Variants in ATP13A5 observed in about 807,000 individuals in gnomAD.
ATP13A5 encodes probable cation-transporting ATPase 13A5.
ATP13A5 carries 149 observed loss-of-function variants against 150.2 expected under a neutral mutation model. That is an observed-to-expected ratio of 0.99 (90% CI 0.87 to 1.14). The LOEUF (loss-of-function observed/expected upper bound fraction) is 1.14. ATP13A5 is among the 50% of genes most tolerant of loss of function. The pLI, the probability that ATP13A5 is intolerant of heterozygous loss-of-function variation, is 0.00. For synonymous variants in ATP13A5, 497 were observed against 522.2 expected, an observed-to-expected ratio of 0.95 and a Z score of 0.66; for missense variants, 1,383 against 1,449.3, an observed-to-expected ratio of 0.95 and a Z score of 0.74.
At chr3:193,312,473 A>G (rs552558774) in intron 19 of ATP13A5, among the ~76,000 whole-genome samples, 2 of 152,140 alleles carry the variant, frequency 1.3e-5, no homozygotes, top group African/African-American at 2.4e-5. Flanking sequence ...TCTCTTCCAT[A>G]CTCTACATCC....
chr3:193,276,980 G>GACTC (rs1337296520), intron 28 of ATP13A5, 150 bp from the exon 29 acceptor site: 1 of 611,942 alleles, frequency 1.6e-6, no homozygotes, highest in African/African-American at 1.9e-5. Flanking sequence ...ACAACTGAAG[G>GACTC]ACTCAAAGCC....
At position 193,325,100 on chromosome 3, in the gene ATP13A5, C is replaced by T. The variant is rs538779309; in HGVS notation, c.1524-86G>A. On this transcript the variant is annotated intron_variant, in intron 13 of 29. Coordinates refer to ENST00000342358, the MANE Select transcript of ATP13A5 (RefSeq NM_198505.4). ...AATCTTACTAAAGTGGAGCTCCAAA[C>T]ACCTAACGTTCATGCTCAGAACCTT... is the stretch of plus-strand genomic sequence containing the variant. 4 of 1,363,370 alleles carry T rather than the reference C, an allele frequency of 2.9e-6. No homozygotes were observed. The South Asian group carries it at 4.0e-5, about 14-fold the overall frequency. 84.5% of individuals were successfully genotyped at this position (1,363,370 alleles called of 1,614,324 possible).
At position 193,281,149 on chromosome 3, in the gene ATP13A5, C is replaced by T. The variant is rs141493831; in HGVS notation, c.3227-1695G>A. 2.6e-5 allele frequency: 26 copies of T among 983,322 alleles called. No homozygotes were observed. The East Asian group carries it at 2.4e-3, about 90-fold the overall frequency. 60.9% of individuals were successfully genotyped at this position (983,322 alleles called of 1,614,324 possible). On this transcript the variant is annotated intron_variant, in intron 27 of 29. Coordinates refer to ENST00000342358, the MANE Select transcript of ATP13A5 (RefSeq NM_198505.4). ...AAGCAATCTAAATGGCTTGGTGATA[C>T]GATTTCAGGAAATAGCTGTGTGGAT...
At chr3:193,290,721 C>T (rs1481953532) in intron 25 of ATP13A5, among the ~76,000 whole-genome samples, 1 of 151,932 alleles carries the variant, frequency 6.6e-6, no homozygotes, top group African/African-American at 2.4e-5. Context: ...GATTTCAGGG[C>T]TTTTTTAAAT....
rs9849974 is a variant in ATP13A5 at position 193,287,430 on chromosome 3, A to G, written c.3024-2314T>C. Among the ~76,000 whole-genome samples the G allele has an allele frequency of 1.4e-3, 213 of 152,260 alleles. 2 individuals are homozygous for G. Among genetic ancestry groups the G allele is most frequent in the African/African-American group, 5.0e-3 (208 of 41,562 alleles). The stretch of plus-strand genomic sequence containing the variant: ...AGCTGGTGACTTTAAGTTGATGCCA[A>G]TGCTCATTTGCTCTTCTGAAAATCC... On this transcript the variant is annotated intron_variant, in intron 26 of 29. Coordinates refer to ENST00000342358, the MANE Select transcript of ATP13A5 (RefSeq NM_198505.4).
intron 9 of ATP13A5, 44 bp downstream of exon 9, chr3:193,343,883 T>A: frequency 1.9e-6 from 3 of 1,596,828 alleles, no homozygotes; most frequent in Non-Finnish European, 2.6e-6. Flanking sequence ...TTGATCTGAT[T>A]AGATGTCAGA....
chr3:193,361,500 T>G (rs777076500), intron 5 of ATP13A5, among the ~76,000 whole-genome samples: 4 of 152,218 alleles, frequency 2.6e-5, no homozygotes, highest in Admixed American at 6.5e-5. Context: ...TCTGATTACT[T>G]CTTAGCTTGA....
chr3:193,281,290 G>C (rs1164492377), intron 27 of ATP13A5: 1 of 747,904 alleles, frequency 1.3e-6, no homozygotes, highest in Non-Finnish European at 1.6e-6. Context: ...GGGGCTGAGT[G>C]GGGTGCACAT....
chr3:193,368,704 C>T (rs1290908121), intron 1 of ATP13A5, among the ~76,000 whole-genome samples: 2 of 152,082 alleles, frequency 1.3e-5, no homozygotes, highest in Non-Finnish European at 2.9e-5. Context: ...ACAAACAGTG[C>T]CAGAGCAAAA....
intron 21 of ATP13A5, among the ~76,000 whole-genome samples, chr3:193,308,948 G>T (rs1452551695): frequency 6.6e-6 from 1 of 152,182 alleles, no homozygotes; most frequent in African/African-American, 2.4e-5. Context: ...CATTCTGGAA[G>T]TTAATAGGCA....
intron 13 of ATP13A5, among the ~76,000 whole-genome samples, chr3:193,326,453 C>T (rs1294651690): frequency 6.6e-6 from 1 of 152,178 alleles, no homozygotes; most frequent in Non-Finnish European, 1.5e-5. Context: ...CTTCAGGTGG[C>T]TTTCTTTGAT....
At chr3:193,328,512 T>C (rs1711509802) in intron 12 of ATP13A5, among the ~76,000 whole-genome samples, 1 of 152,220 alleles carries the variant, frequency 6.6e-6, no homozygotes, top group Admixed American at 6.5e-5. Context: ...AACATCAATA[T>C]TTTGAACATG....
chr3:193,326,914 C>T, intron 13 of ATP13A5, 82 bp downstream of exon 13: 1 of 1,206,470 alleles, frequency 8.3e-7, no homozygotes, highest in Non-Finnish European at 1.2e-6. Context: ...GACATTCATC[C>T]CTTAACACCC....
At chr3:193,366,966 A>T (rs1577374999) in intron 1 of ATP13A5, among the ~76,000 whole-genome samples, 1 of 152,228 alleles carries the variant, frequency 6.6e-6, no homozygotes, top group Non-Finnish European at 1.5e-5. Flanking sequence ...CAAATAAAAA[A>T]TTACAATAAA....
chr3:193,378,535 G>A, intron 1 of ATP13A5, 128 bp downstream of exon 1: 1 of 835,332 alleles, frequency 1.2e-6, no homozygotes. Flanking sequence ...AACCTTACCA[G>A]ACTGAAACCT....
intron 11 of ATP13A5, among the ~76,000 whole-genome samples, chr3:193,332,049 G>A (rs568084095): frequency 3.3e-5 from 5 of 152,198 alleles, no homozygotes; most frequent in African/African-American, 4.8e-5. Flanking sequence ...GCTGTGTCCC[G>A]ACCCAAATCT....
intron 18 of ATP13A5, 79 bp from the exon 19 acceptor site, chr3:193,314,272 T>C: frequency 6.8e-7 from 1 of 1,471,454 alleles, no homozygotes; most frequent in Non-Finnish European, 9.3e-7. Context: ...CCTTTTCCAC[T>C]CTGCTTGGTG....
intron 7 of ATP13A5, among the ~76,000 whole-genome samples, chr3:193,347,371 TTA>T (rs200621533): frequency 4.0e-5 from 6 of 150,660 alleles, no homozygotes; most frequent in African/African-American, 1.5e-4. Flanking sequence ...TTGAAAAATG[TTA>T]AAGTAATCTT....
chr3:193,291,250 T>C (rs1270497784), intron 25 of ATP13A5, among the ~76,000 whole-genome samples: 1 of 152,078 alleles, frequency 6.6e-6, no homozygotes, highest in African/African-American at 2.4e-5. Context: ...CTATACCAGA[T>C]CAATCAATGT....
Sources: allele counts gnomAD v4.1 joint callset (sites outside exome capture counted in the v4.1 genomes callset), GRCh38; gene constraint gnomAD v4.1.1; transcripts MANE v1.5; gene names NCBI Gene and HGNC (gene_info 2026-07-23, HGNC 2026-07-21).